EDA: variants seen among roughly 807,000 people sequenced by gnomAD.
EDA encodes ectodysplasin-A.
In EDA, 2 loss-of-function variants were observed where a neutral mutation model predicts 23.6. The observed-to-expected ratio is 0.08, with a 90% CI of 0.03 to 0.27. The LOEUF is 0.27. Among genes scored for constraint, EDA ranks in the 10% least tolerant of loss-of-function variants. The probability of loss-of-function intolerance (pLI) is 1.00; values close to 1 mark genes in which losing one functional copy is unlikely to be tolerated. For missense variants in EDA, 229 were observed against 324.2 expected (o/e 0.71, Z 2.26); for synonymous variants, 131 against 132.0 (o/e 0.99, Z 0.05).
intron 1 of EDA, among the ~76,000 whole-genome samples, chrX:69,849,082 TACAC>T (rs370800783): frequency 0.06 from 3,423 of 56,909 alleles, 88 homozygotes; most frequent in African/African-American, 0.09. Context: ...AAAGTCTATA[TACAC>T]ACACACACAC....
chrX:70,031,312 T>C (rs1028091905), intron 6 of EDA, among the ~76,000 whole-genome samples: 1 of 112,195 alleles, frequency 8.9e-6, no homozygotes, highest in African/African-American at 3.2e-5. Flanking sequence ...TCTGACTCTT[T>C]CCTCTCCCCT....
At chrX:69,989,938 T>TTC (rs201638742) in intron 2 of EDA, among the ~76,000 whole-genome samples, 953 of 74,814 alleles carry the variant, frequency 0.013, 16 homozygotes, top group African/African-American at 0.043. Context: ...TAGGCTTTCT[T>TTC]TTTTTTTTTT....
At chrX:69,877,240 G>A (rs2017659857) in intron 1 of EDA, among the ~76,000 whole-genome samples, 1 of 111,961 alleles carries the variant, frequency 8.9e-6, no homozygotes, top group African/African-American at 3.3e-5. Context: ...TCCAGGAGTT[G>A]GAGGCTGCAG....
chrX:69,883,206 C>T lies in EDA; in HGVS notation c.397-73821C>T, dbSNP rs780219760. Among the ~76,000 whole-genome samples, 8 of 112,001 alleles carry T rather than the reference C, an allele frequency of 7.1e-5. No individual in the cohort carries two copies. The East Asian group carries it at 2.0e-3, about 28-fold the overall frequency. ...ATCTCCTCAAAGGAACTCGATCTTTCTTCTGATGCATGTCTTTCAAGCCCA... is the reference window on the plus strand; with the variant it reads ...ATCTCCTCAAAGGAACTCGATCTTTTTTCTGATGCATGTCTTTCAAGCCCA... On this transcript the variant is annotated intron_variant, in intron 1 of 7. Transcript: ENST00000374552.
At chrX:69,661,611 A>C (rs773606056) in intron 1 of EDA, among the ~76,000 whole-genome samples, 30 of 110,888 alleles carry the variant, frequency 2.7e-4, no homozygotes, top group South Asian at 7.7e-4. Context: ...GGAATCCTTT[A>C]CCCATTTCTT....
intron 2 of EDA, among the ~76,000 whole-genome samples, chrX:69,976,098 A>T (rs1251141497): frequency 9.0e-6 from 1 of 111,710 alleles, no homozygotes; most frequent in African/African-American, 3.2e-5. Context: ...ACCTTAATTG[A>T]AAGTTTTAAT....
At chrX:69,957,460 C>T (rs959417279) in intron 2 of EDA, 12 of 151,803 alleles carry the variant, frequency 7.9e-5, no homozygotes, top group African/African-American at 4.2e-4. Context: ...GCCTGGGTGA[C>T]AGTGCGAGAC....
intron 1 of EDA, among the ~76,000 whole-genome samples, chrX:69,773,142 T>C (rs1384140240): frequency 3.6e-5 from 4 of 112,387 alleles, no homozygotes; most frequent in Non-Finnish European, 7.5e-5. Context: ...TGATAGACAT[T>C]TCATATTAAT....
intron 1 of EDA, among the ~76,000 whole-genome samples, chrX:69,717,419 G>A (rs192728770): frequency 9.1e-6 from 1 of 110,336 alleles, no homozygotes; most frequent in African/African-American, 3.3e-5. Context: ...TTTATTGTCA[G>A]TATATAGAAA....
chrX:69,695,844 G>A (rs893259068), intron 1 of EDA, among the ~76,000 whole-genome samples: 31 of 110,540 alleles, frequency 2.8e-4, no homozygotes, highest in African/African-American at 3.9e-4. Flanking sequence ...AATATAGAAC[G>A]TGAAGCACAA....
intron 1 of EDA, among the ~76,000 whole-genome samples, chrX:69,795,621 C>T (rs900510564): frequency 8.8e-6 from 1 of 113,081 alleles, no homozygotes; most frequent in African/African-American, 3.2e-5. Context: ...GAGGTACAAG[C>T]AAGGTGCAGA....
chrX:69,873,255 G>A (rs902865858), intron 1 of EDA, among the ~76,000 whole-genome samples: 1 of 111,859 alleles, frequency 8.9e-6, no homozygotes, highest in Non-Finnish European at 1.9e-5. Flanking sequence ...GCAGTGCTAA[G>A]AGGAAAGTTC....
At chrX:69,800,929 G>T (rs1007321189) in intron 1 of EDA, among the ~76,000 whole-genome samples, 2 of 111,229 alleles carry the variant, frequency 1.8e-5, no homozygotes, top group African/African-American at 6.5e-5. Context: ...GTATTGTGGA[G>T]ACTCTTTATA....
chrX:69,817,055 A>G (rs1196453572), intron 1 of EDA, among the ~76,000 whole-genome samples: 2 of 112,083 alleles, frequency 1.8e-5, no homozygotes, highest in African/African-American at 6.5e-5. Flanking sequence ...ATTGGGGCCA[A>G]TGTTCAACAT....
At chrX:69,698,999 G>T (rs1257666140) in intron 1 of EDA, among the ~76,000 whole-genome samples, 1 of 111,506 alleles carries the variant, frequency 9.0e-6, no homozygotes, top group African/African-American at 3.3e-5. Context: ...GCCATTTACC[G>T]GGCAGCATGT....
intron 1 of EDA, among the ~76,000 whole-genome samples, chrX:69,743,345 A>G (rs761910094): frequency 6.0e-4 from 67 of 112,058 alleles, no homozygotes; most frequent in African/African-American, 1.5e-3. Context: ...GGACTGGACC[A>G]TAATATTTAG....
At chrX:69,723,692 G>A in intron 1 of EDA, among the ~76,000 whole-genome samples, 1 of 111,618 alleles carries the variant, frequency 9.0e-6, no homozygotes, top group South Asian at 3.8e-4. Flanking sequence ...TTCATGTTTG[G>A]TAGCTATAAT....
chrX:69,845,566 G>A (rs182238059), intron 1 of EDA, among the ~76,000 whole-genome samples: 8 of 111,887 alleles, frequency 7.2e-5, no homozygotes, highest in Admixed American at 5.7e-4. Context: ...AAATCTATTC[G>A]CTCAAGAAGT....
At position 69,720,972 on chromosome X, in the gene EDA, G is replaced by A. The variant is rs756370906; in HGVS notation, c.396+104268G>A. ...TTGTCTATCATGTTAGGTGACTTTG[G>A]ATCTCATTTAAATCTTTTATTTTAG... On this transcript the variant is annotated intron_variant, in intron 1 of 7. Coordinates refer to ENST00000374552, the MANE Select transcript of EDA (RefSeq NM_001399.5). Among the ~76,000 whole-genome samples the A allele has an allele frequency of 8.0e-5, 9 of 111,904 alleles. No individual in the cohort carries two copies. In the East Asian group the frequency reaches 2.5e-3, roughly 32 times the overall value.
Sources: allele counts gnomAD v4.1 joint callset (sites outside exome capture counted in the v4.1 genomes callset), GRCh38; gene constraint gnomAD v4.1.1; transcripts MANE v1.5; gene names NCBI Gene and HGNC (gene_info 2026-07-23, HGNC 2026-07-21).